The following DNAH11 variants were observed in gnomAD, a reference collection of about 807,000 sequenced individuals.
DNAH11 encodes the protein dynein axonemal heavy chain 11.
A neutral mutation model predicts 526.0 loss-of-function variants in DNAH11; 442 were observed. The ratio of observed to expected loss-of-function variants is 0.84; its 90% CI spans 0.78 to 0.91. The LOEUF is 0.91. Among genes scored for constraint, DNAH11 ranks in the 40% least tolerant of loss-of-function variants. The pLI is 0.00. For missense variants in DNAH11, 6,989 were observed against 5,448.7 expected, an observed-to-expected ratio of 1.28 and a Z score of -8.90; for synonymous variants, 2,461 against 1,935.9, an observed-to-expected ratio of 1.27 and a Z score of -7.12.
intron 36 of DNAH11, 54 bp from the exon 37 acceptor site, chr7:21,702,656 A>C (rs925173175): frequency 1.7e-5 from 26 of 1,492,344 alleles, no homozygotes; most frequent in Non-Finnish European, 2.0e-5. Flanking sequence ...CTCTGGAATG[A>C]GAATCTTCTT....
chr7:21,666,756 A>AT lies in DNAH11; in HGVS notation c.5328+7737dup, dbSNP rs200980636. Among the ~76,000 whole-genome samples, 1,233 of 146,394 alleles carry AT rather than the reference A, an allele frequency of 8.4e-3. 9 individuals are homozygous for AT. The highest frequency in any genetic ancestry group is 0.015 in the South Asian group (71 of 4,628). On this transcript the variant is annotated intron_variant, in intron 30 of 81. Coordinates refer to ENST00000409508, the MANE Select transcript of DNAH11 (RefSeq NM_001277115.2). ...TACCAAGTGTATATTGGACACAAGT[A>AT]TTTTTTTTTTTTGGCCTTTATATAA...
intron 25 of DNAH11, among the ~76,000 whole-genome samples, chr7:21,628,318 T>C (rs1786446903): frequency 6.6e-6 from 1 of 152,100 alleles, no homozygotes; most frequent in South Asian, 2.1e-4. Context: ...CCAGGACTTC[T>C]AATACTATAT....
Position 21,800,545 on chromosome 7 carries a change from T to C in DNAH11, c.10027-592T>C, listed in dbSNP as rs543006923. On this transcript the variant is annotated intron_variant, in intron 61 of 81. Transcript: ENST00000409508. ...TACTCGGGAGACTGAGGCGCAGGAA[T>C]CACTTGAACCTGGGGGACAGAGGTT... Among the ~76,000 whole-genome samples the C allele has an allele frequency of 1.9e-3, 286 of 152,176 alleles. 1 individual carries two copies. The highest frequency in any genetic ancestry group is 6.6e-3 in the African/African-American group (274 of 41,516).
At chr7:21,857,277 G>T (rs970496373) in intron 68 of DNAH11, among the ~76,000 whole-genome samples, 8 of 152,094 alleles carry the variant, frequency 5.3e-5, no homozygotes, top group Non-Finnish European at 1.0e-4. Flanking sequence ...TGCAAGGTTT[G>T]TATTCTAAAA....
chr7:21,660,574 A>C (rs1203097693), intron 30 of DNAH11, among the ~76,000 whole-genome samples: 1 of 151,994 alleles, frequency 6.6e-6, no homozygotes, highest in Non-Finnish European at 1.5e-5. Flanking sequence ...CAGAAAATGA[A>C]AAGAAGGGAC....
Position 21,620,045 on chromosome 7 carries a change from T to C in DNAH11, c.4467T>C (p.Asp1489=), listed in dbSNP as rs2128454178. Residue 1489 remains aspartate (D), a synonymous_variant, in exon 25 of 82, where the codon GAT becomes GAC. Coordinates refer to ENST00000409508, the MANE Select transcript of DNAH11 (RefSeq NM_001277115.2). ...YRTGIPLLKS[D]EQLFETLEHN... ...CAGGCATTCCATTACTAAAGTCTGA[T>C]GAACAACTTTTTGAAACTCTAGAGC... 6.2e-7 allele frequency: 1 copy of C among 1,603,610 alleles called. No homozygotes were observed. Among genetic ancestry groups the C allele is most frequent in the East Asian group, 2.2e-5 (1 of 44,522 alleles).
At chr7:21,724,647 C>T (rs1562510392) in intron 44 of DNAH11, among the ~76,000 whole-genome samples, 4 of 150,018 alleles carry the variant, frequency 2.7e-5, no homozygotes, top group African/African-American at 7.4e-5. Context: ...ATATAGGAGT[C>T]GCTGAGCCAG....
intron 36 of DNAH11, among the ~76,000 whole-genome samples, chr7:21,700,405 T>C (rs149080570): frequency 2.6e-5 from 4 of 152,342 alleles, no homozygotes; most frequent in Admixed American, 1.3e-4. Flanking sequence ...TGGAATGATA[T>C]AATGAAAATG....
chr7:21,610,647 C>T (rs954226838), intron 20 of DNAH11, among the ~76,000 whole-genome samples: 1 of 151,496 alleles, frequency 6.6e-6, no homozygotes, highest in Admixed American at 6.6e-5. Flanking sequence ...TTGAGACTAT[C>T]AACCATGATC....
chr7:21,830,926 C>G (rs1018526722), intron 65 of DNAH11, among the ~76,000 whole-genome samples: 3 of 152,180 alleles, frequency 2.0e-5, no homozygotes, highest in African/African-American at 7.2e-5. Flanking sequence ...AGCTTCTCAT[C>G]TCCAAACCAG....
chr7:21,619,269 A>G (rs1348799768), intron 24 of DNAH11, 47 bp downstream of exon 24: 2 of 1,585,574 alleles, frequency 1.3e-6, no homozygotes, highest in Non-Finnish European at 1.7e-6. Flanking sequence ...AATTTTGGGT[A>G]TTTGCATAGA....
intron 66 of DNAH11, among the ~76,000 whole-genome samples, chr7:21,845,085 A>T (rs1782365871): frequency 6.6e-6 from 1 of 152,124 alleles, no homozygotes; most frequent in Non-Finnish European, 1.5e-5. Flanking sequence ...TTATGTTAGC[A>T]TAAAAAAGTT....
chr7:21,855,657 C>G (rs1037857390), intron 68 of DNAH11, among the ~76,000 whole-genome samples: 1 of 152,158 alleles, frequency 6.6e-6, no homozygotes, highest in Admixed American at 6.5e-5. Context: ...CGCTCCATAC[C>G]TTGTACCATG....
At chr7:21,552,884 G>A (rs1029225727) in intron 2 of DNAH11, among the ~76,000 whole-genome samples, 1 of 152,144 alleles carries the variant, frequency 6.6e-6, no homozygotes, top group East Asian at 1.9e-4. Context: ...AGGCACCACA[G>A]GGTGGTAGGT....
intron 65 of DNAH11, among the ~76,000 whole-genome samples, chr7:21,834,822 C>T (rs1008163415): frequency 1.3e-5 from 2 of 152,122 alleles, no homozygotes; most frequent in African/African-American, 2.4e-5. Context: ...ACCAGTCTAG[C>T]ACTCCAGCCT....
At position 21,658,864 on chromosome 7, in the gene DNAH11, G is replaced by A. The variant is rs1196784753; in HGVS notation, c.5161G>A (p.Ala1721Thr). Reference sequence around the variant, plus strand: ...AACGGTGCGTCATTCTATAACAGAAGCCATAGTGGCCTACGAGGAAAAACC... The same window carrying A: ...AACGGTGCGTCATTCTATAACAGAAACCATAGTGGCCTACGAGGAAAAACC... ...QETVRHSITE[A>T]IVAYEEKPRE... Residue 1721 changes from alanine (A) to threonine (T), a missense_variant, in exon 30 of 82, where the codon GCC (alanine) becomes ACC (threonine). Transcript: ENST00000409508. The A allele has an allele frequency of 3.7e-6, 6 of 1,607,144 alleles. No homozygotes were observed. Among genetic ancestry groups the A allele is most frequent in the Non-Finnish European group, 5.1e-6 (6 of 1,176,918 alleles).
intron 30 of DNAH11, among the ~76,000 whole-genome samples, chr7:21,678,198 G>A (rs868047834): frequency 2.7e-4 from 41 of 150,698 alleles, no homozygotes; most frequent in African/African-American, 9.8e-4. Context: ...GAATTTTACA[G>A]TTTCAGGTCT....
chr7:21,772,356 CT>C (rs572354679), intron 55 of DNAH11, among the ~76,000 whole-genome samples: 6,889 of 139,936 alleles, frequency 0.049, 503 homozygotes, highest in African/African-American at 0.16. Context: ...TTCTTTCTTT[CT>C]TTTTTTTTTT....
intron 68 of DNAH11, among the ~76,000 whole-genome samples, chr7:21,858,711 G>A (rs1455118707): frequency 6.6e-6 from 1 of 152,184 alleles, no homozygotes; most frequent in Non-Finnish European, 1.5e-5. Context: ...GACTGGGGCT[G>A]GCGATGGTGG....
Sources: allele counts gnomAD v4.1 joint callset (sites outside exome capture counted in the v4.1 genomes callset), GRCh38; gene constraint gnomAD v4.1.1; transcripts MANE v1.5; gene names NCBI Gene and HGNC (gene_info 2026-07-23, HGNC 2026-07-21).